Variants in ESAM observed in about 807,000 individuals in gnomAD.
ESAM encodes the protein endothelial cell adhesion molecule.
In ESAM, 23 loss-of-function variants were observed where a neutral mutation model predicts 31.8. That is an observed-to-expected ratio of 0.72 (90% confidence interval 0.52 to 1.03). The LOEUF is 1.03. Ranked by LOEUF, ESAM falls within the 50% of genes least tolerant of loss-of-function variation. The pLI, the probability that ESAM is intolerant of heterozygous loss-of-function variation, is 0.00. For synonymous variants in ESAM, 216 were observed against 207.2 expected, an observed-to-expected ratio of 1.04 and a Z score of -0.37; for missense variants, 478 against 488.9, an observed-to-expected ratio of 0.98 and a Z score of 0.21.
At chr11:124,758,588 T>C in intron 1 of ESAM, 61 bp from the exon 2 acceptor site, 1 of 1,438,346 alleles carries the variant, frequency 7.0e-7, no homozygotes. Context: ...CCGCGGACCC[T>C]GCCCTACGCG....
At chr11:124,758,887 T>C (rs1461950248) in intron 1 of ESAM, among the ~76,000 whole-genome samples, 1 of 152,222 alleles carries the variant, frequency 6.6e-6, no homozygotes, top group Admixed American at 6.5e-5. Flanking sequence ...CGACTGTTTC[T>C]GTCGTACGCG....
intron 2 of ESAM, among the ~76,000 whole-genome samples, chr11:124,757,879 G>T (rs1408165925): frequency 1.3e-5 from 2 of 151,908 alleles, no homozygotes; most frequent in Non-Finnish European, 2.9e-5. Flanking sequence ...TGTGTTTTTA[G>T]CAGAGACGGG....
Position 124,754,824 on chromosome 11 carries a change from AT to A in ESAM, c.608-62del, listed in dbSNP as rs1227950219. ...TCTTTCCCATTAAAAAAAAAAAAAA[AT>A]CTTGTCCCTCCTCTGGAATGTCCCC... On this transcript the variant is annotated intron_variant, in intron 4 of 6. Transcript: ENST00000278927. The surrounding 1 kb of genome is among the most constrained non-coding windows in gnomAD (Gnocchi z 4.5). 1.2e-5 allele frequency: 17 copies of A among 1,458,844 alleles called. No homozygotes were observed. In the African/African-American group the frequency reaches 1.3e-4, roughly 11 times the overall value. 90.4% of individuals were successfully genotyped at this position (1,458,844 alleles called of 1,614,324 possible).
At position 124,754,282 on chromosome 11, in the gene ESAM, C is replaced by T. The variant is rs1415124844; in HGVS notation, c.789G>A (p.Leu263=). The T allele has an allele frequency of 6.2e-7, 1 of 1,614,060 alleles. No homozygotes were observed. The highest frequency in any genetic ancestry group is 8.5e-7 in the Non-Finnish European group (1 of 1,179,978). Residue 263 remains leucine (L), a synonymous_variant, in exon 6 of 7, where the codon TTG becomes TTA. Coordinates refer to ENST00000278927, the MANE Select transcript of ESAM (RefSeq NM_138961.3). This position sits in a 1 kb window ranked among gnomAD's most constrained non-coding sequence, Gnocchi z 4.5. ...GGTACAAGAGGACCAGCCCAGCCAG[C>T]AACCCCAGTCCAACCAGGGTACCCA... ...AVVGTLVGLG[L]LAGLVLLYHR... is the part of the protein sequence containing the mutation.
At chr11:124,758,947 C>T (rs1015551586) in intron 1 of ESAM, among the ~76,000 whole-genome samples, 3 of 152,170 alleles carry the variant, frequency 2.0e-5, no homozygotes, top group African/African-American at 7.2e-5. Context: ...AGTAGGGATG[C>T]TGCTCCGGGC....
chr11:124,756,316 C>G lies in ESAM; in HGVS notation c.498G>C (p.Val166=). 6.2e-7 allele frequency: 1 copy of G among 1,611,868 alleles called. No homozygotes were observed. Among genetic ancestry groups the G allele is most frequent in the Non-Finnish European group, 8.5e-7 (1 of 1,178,982 alleles). The change falls in exon 4 of 7, where the codon GTG becomes GTC. Residue 166 remains valine (V), a synonymous_variant. Coordinates refer to ENST00000278927, the MANE Select transcript of ESAM (RefSeq NM_138961.3). ...PSCRLQGVPH[V]GANVTLSCQS... ...GGCAGCTCAGGGTCACGTTTGCCCC[C>G]ACATGGGGCACACCCTGGAGACGGC...
chr11:124,755,947 G>A (rs1297208216), intron 4 of ESAM, among the ~76,000 whole-genome samples: 1 of 152,192 alleles, frequency 6.6e-6, no homozygotes, highest in Non-Finnish European at 1.5e-5. Flanking sequence ...CACACAGCTA[G>A]TCACTAGAAG....
chr11:124,759,974 C>A lies in ESAM; in HGVS notation c.71-1447G>T, dbSNP rs1944207860. ...TCCCCCAGCCTTTCTACGACACACA[C>A]CCGGCGGCCAGAAAGGGTTTCCGCC... On this transcript the variant is annotated intron_variant, in intron 1 of 6. Transcript: ENST00000278927. This position sits in a 1 kb window ranked among gnomAD's most constrained non-coding sequence, Gnocchi z 6.8. Among the ~76,000 whole-genome samples the A allele has an allele frequency of 6.6e-6, 1 of 152,242 alleles. No individual in the cohort carries two copies. Among genetic ancestry groups the A allele is most frequent in the South Asian group, 2.1e-4 (1 of 4,832 alleles).
chr11:124,758,207 A>C, intron 2 of ESAM, 142 bp downstream of exon 2: 1 of 903,096 alleles, frequency 1.1e-6, no homozygotes, highest in Admixed American at 2.7e-5. Flanking sequence ...ACAAAAACTG[A>C]ACTGGTGAAG....
At position 124,753,786 on chromosome 11, in the gene ESAM, G is replaced by A. The variant is rs762543126; in HGVS notation, c.1033C>T (p.Pro345Ser). The change falls in exon 7 of 7, where the codon CCA becomes TCA. Residue 345 changes from proline to serine, a missense_variant. Pro to Ser is a moderately conservative substitution (Grantham distance 74). Transcript: ENST00000278927. ...GCCCCATCTGTCGTGGGCAGTCTTG[G>A]TGAGGGCAGGGCCTGGCTGGAGAGA... is the stretch of plus-strand genomic sequence containing the variant. ...PSLSSQALPS[P>S]RLPTTDGAHP... 10 of 1,613,918 alleles carry A rather than the reference G, an allele frequency of 6.2e-6. No homozygotes were observed. The highest frequency in any genetic ancestry group is 8.5e-6 in the Non-Finnish European group (10 of 1,179,906).
rs1458151338 is a variant in ESAM at position 124,754,518 on chromosome 11, T to G, written c.730+123A>C. 2.0e-6 allele frequency: 3 copies of G among 1,512,234 alleles called. No individual in the cohort carries two copies. The highest frequency in any genetic ancestry group is 2.7e-6 in the Non-Finnish European group (3 of 1,126,008). 93.7% of individuals were successfully genotyped at this position (1,512,234 alleles called of 1,614,324 possible). A position where few individuals can be genotyped will look rare whatever the true frequency, so the allele number is the denominator to read the frequency against. ...ACTGACCAACCATTTGTACAAACAT[T>G]TGATCAGGGGAAGCTCCGTGCCCTG... is the stretch of plus-strand genomic sequence containing the variant. On this transcript the variant is annotated intron_variant, in intron 5 of 6. Transcript: ENST00000278927. This position sits in a 1 kb window ranked among gnomAD's most constrained non-coding sequence, Gnocchi z 4.5.
Position 124,758,423 on chromosome 11 carries a change from C to T in ESAM, c.175G>A (p.Glu59Lys), listed in dbSNP as rs780991788. 5 of 1,614,124 alleles carry T rather than the reference C, an allele frequency of 3.1e-6. No individual in the cohort carries two copies. The South Asian group carries it at 5.5e-5, about 18-fold the overall frequency. The change falls in exon 2 of 7, where the codon GAG (glutamate) becomes AAG (lysine). Residue 59 changes from glutamate (E) to lysine (K), a missense_variant. Coordinates refer to ENST00000278927, the MANE Select transcript of ESAM (RefSeq NM_138961.3). The stretch of plus-strand genomic sequence containing the variant: ...TCCCATGGCTGGGATGAAGACACCT[C>T]CCCGTGCAAGGTGTACCACGCTGGA... ...VLPAWYTLHG[E>K]VSSSQPWEVP...
At chr11:124,761,226 T>C (rs1565443386) in intron 1 of ESAM, among the ~76,000 whole-genome samples, 1 of 152,152 alleles carries the variant, frequency 6.6e-6, no homozygotes, top group Non-Finnish European at 1.5e-5. Context: ...GCAAGAAAGC[T>C]GAGGGACAGC....
chr11:124,758,571 G>T (rs767216643), intron 1 of ESAM, 44 bp from the exon 2 acceptor site: 1 of 1,458,256 alleles, frequency 6.9e-7, no homozygotes, highest in Non-Finnish European at 9.0e-7. Flanking sequence ...CCGGCTCCCA[G>T]CTCCGCCCGC....
intron 1 of ESAM, among the ~76,000 whole-genome samples, chr11:124,760,888 G>A (rs1252937186): frequency 1.3e-5 from 2 of 152,212 alleles, no homozygotes; most frequent in Non-Finnish European, 2.9e-5. Flanking sequence ...TGGGAAAGGC[G>A]GGATGAGAAG....
In ESAM at chr11:124,759,148, C is replaced by T. The variant is rs567327623; in HGVS notation, c.71-621G>A. 3 of 152,422 alleles carry T rather than the reference C, an allele frequency of 2.0e-5. No individual in the cohort carries two copies. The highest frequency in any genetic ancestry group is 7.2e-5 in the African/African-American group (3 of 41,570). 9.4% of individuals were successfully genotyped at this position (152,422 alleles called of 1,614,324 possible). On this transcript the variant is annotated intron_variant, in intron 1 of 6. Transcript: ENST00000278927. This position sits in a 1 kb window ranked among gnomAD's most constrained non-coding sequence, Gnocchi z 6.8. ...CGCGCAATCTCAGAGGCGGGCTTCC[C>T]TCGGAAAACGGAGGGTTGAAACCCA...
rs563218384 is a variant in ESAM at position 124,756,789 on chromosome 11, T to C, written c.250-47A>G. 3.8e-6 allele frequency: 6 copies of C among 1,562,952 alleles called. No individual in the cohort carries two copies. The South Asian group carries it at 7.0e-5, about 18-fold the overall frequency. On this transcript the variant is annotated intron_variant, in intron 2 of 6. Transcript: ENST00000278927. ...CCCCGTCATTACTACATGTGTCTAC[T>C]GTGCCTACAGGCTCAGCCACTCTCC...
chr11:124,757,500 G>A (rs1401040207), intron 2 of ESAM: 1 of 152,186 alleles, frequency 6.6e-6, no homozygotes, highest in Non-Finnish European at 1.5e-5. Flanking sequence ...ATTCTCTTCT[G>A]GGGTAAATCT....
chr11:124,754,260 A>G lies in ESAM; in HGVS notation c.811T>C (p.Tyr271His). Residue 271 changes from tyrosine (Y) to histidine (H), a missense_variant, in exon 6 of 7, where the codon TAC becomes CAC. Coordinates refer to ENST00000278927, the MANE Select transcript of ESAM (RefSeq NM_138961.3). This position sits in a 1 kb window ranked among gnomAD's most constrained non-coding sequence, Gnocchi z 4.5. Reference protein sequence around the residue: ...LGLLAGLVLLYHRRGKALEEP... With the variant: ...LGLLAGLVLLHHRRGKALEEP... ...TCCAGGGCCTTGCCCCGGCGGTGGT[A>G]CAAGAGGACCAGCCCAGCCAGCAAC... 1 of 1,613,950 alleles carries G rather than the reference A, an allele frequency of 6.2e-7. No homozygotes were observed. Among genetic ancestry groups the G allele is most frequent in the East Asian group, 2.2e-5 (1 of 44,844 alleles).
Sources: gnomAD v4.1 joint callset for allele counts (sites outside exome capture counted in the v4.1 genomes callset) on GRCh38, gnomAD v4.1.1 for gene constraint, Gnocchi (gnomAD v3.1) non-coding constraint, MANE v1.5 for transcripts, NCBI Gene and HGNC (gene_info 2026-07-23, HGNC 2026-07-21) for gene names.